Variants in ZNF644 observed in about 807,000 individuals in gnomAD.
The protein encoded by ZNF644 is zinc finger motif enhancer binding protein 2.
A neutral mutation model predicts 108.0 loss-of-function variants in ZNF644; 20 were observed. The observed-to-expected ratio is 0.19, with a 90% CI of 0.13 to 0.27. The LOEUF (loss-of-function observed/expected upper bound fraction) is 0.27, where lower values mean the gene tolerates loss of function less well. ZNF644 is among the 10% of genes least tolerant of loss of function. ZNF644 has a pLI of 1.00. For missense variants in ZNF644, 1,338 were observed against 1,548.9 expected (o/e 0.86, Z 2.29); for synonymous variants, 542 against 539.1 (o/e 1.01, Z -0.08).
At chr1:90,946,017 A>G (rs1254614667) in intron 2 of ZNF644, among the ~76,000 whole-genome samples, 1 of 152,124 alleles carries the variant, frequency 6.6e-6, no homozygotes, top group Admixed American at 6.5e-5. Context: ...CCCTATGTTC[A>G]TTTAAATTAT....
At chr1:90,984,490 C>A (rs978854011) in intron 1 of ZNF644, among the ~76,000 whole-genome samples, 3 of 151,730 alleles carry the variant, frequency 2.0e-5, no homozygotes, top group African/African-American at 7.3e-5. Flanking sequence ...CAGGTTCAAG[C>A]GATTCTCGTG....
intron 1 of ZNF644, among the ~76,000 whole-genome samples, chr1:90,983,706 C>G (rs747688420): frequency 3.9e-5 from 6 of 152,098 alleles, no homozygotes; most frequent in Admixed American, 2.6e-4. Context: ...GTGGGCAGAT[C>G]ACCTGAGGTC....
rs193167060 is a variant in ZNF644 at position 90,937,907 on chromosome 1, T to A, written c.3266A>T (p.Tyr1089Phe). The A allele has an allele frequency of 1.9e-6, 3 of 1,613,798 alleles. No homozygotes were observed. Among genetic ancestry groups the A allele is most frequent in the Non-Finnish European group, 2.5e-6 (3 of 1,179,876 alleles). ...LNEMMQNEEK[Y>F]EKILKALNSR... ...GTTCAATGCCTTTAAGATTTTTTCA[T>A]ATTTTTCTTCATTTTGCATCATCTC... Residue 1089 changes from tyrosine (Y) to phenylalanine (F), a missense_variant, in exon 4 of 6, where the codon TAT becomes TTT. This residue lies in a region of ZNF644 where 287 missense variants were observed against 310.9 expected (regional missense o/e 0.92). Transcript: ENST00000337393.
chr1:90,972,591 T>C (rs1655606474), intron 2 of ZNF644, among the ~76,000 whole-genome samples: 1 of 152,196 alleles, frequency 6.6e-6, no homozygotes, highest in African/African-American at 2.4e-5. Flanking sequence ...AATTACCATA[T>C]GATCCAGCAA....
intron 2 of ZNF644, among the ~76,000 whole-genome samples, chr1:90,942,869 TA>T (rs1329431091): frequency 6.6e-6 from 1 of 152,232 alleles, no homozygotes; most frequent in Non-Finnish European, 1.5e-5. Flanking sequence ...AAATATTTCC[TA>T]AGCACTTAGT....
intron 2 of ZNF644, among the ~76,000 whole-genome samples, chr1:90,960,256 ATCT>A (rs1228466734): frequency 3.3e-5 from 5 of 152,284 alleles, no homozygotes; most frequent in Middle Eastern, 3.4e-3. Context: ...GTAAGAACAA[ATCT>A]TCTACTCGCT....
At chr1:90,918,476 T>C (rs186431681) in intron 4 of ZNF644, 51 of 238,876 alleles carry the variant, frequency 2.1e-4, no homozygotes, top group African/African-American at 1.1e-3. Context: ...ATTGGTCAAT[T>C]ATTACAATAA....
At chr1:90,971,398 G>C (rs141336029) in intron 2 of ZNF644, among the ~76,000 whole-genome samples, 27 of 151,520 alleles carry the variant, frequency 1.8e-4, no homozygotes, top group Admixed American at 1.2e-3. Flanking sequence ...TGTAATAAAA[G>C]CAATATTCAA....
rs1307502786 is a variant in ZNF644 at position 90,940,651 on chromosome 1, C to G, written c.703G>C (p.Asp235His). The G allele has an allele frequency of 6.2e-7, 1 of 1,613,918 alleles. No individual in the cohort carries two copies. The highest frequency in any genetic ancestry group is 1.3e-5 in the African/African-American group (1 of 74,904). The change falls in exon 3 of 6, where the codon GAT becomes CAT. Residue 235 changes from aspartate (D) to histidine (H), a missense_variant. Transcript: ENST00000337393. ...GEDGEDLLVK[D>H]DCVNTVTGIS... ...CCCGTTACTGTATTGACACAATCAT[C>G]TTTCACCAATAAATCTTCACCATCC...
chr1:90,954,260 T>C (rs1653500878), intron 2 of ZNF644, among the ~76,000 whole-genome samples: 1 of 152,238 alleles, frequency 6.6e-6, no homozygotes, highest in Non-Finnish European at 1.5e-5. Flanking sequence ...ATATTCTAAA[T>C]CCTATGTTGT....
chr1:90,927,805 C>T (rs1286608997), intron 4 of ZNF644, among the ~76,000 whole-genome samples: 1 of 151,634 alleles, frequency 6.6e-6, no homozygotes, highest in African/African-American at 2.4e-5. Flanking sequence ...CTCTCTCTGC[C>T]CTCCCTCTCT....
chr1:90,953,976 TAACA>T (rs1005349326), intron 2 of ZNF644, among the ~76,000 whole-genome samples: 1 of 152,146 alleles, frequency 6.6e-6, no homozygotes, highest in Non-Finnish European at 1.5e-5. Flanking sequence ...AAAAAAATGC[TAACA>T]GTCATCTGAG....
intron 2 of ZNF644, among the ~76,000 whole-genome samples, chr1:90,945,310 TA>T (rs1273893590): frequency 3.6e-5 from 4 of 111,894 alleles, no homozygotes; most frequent in East Asian, 5.3e-4. Flanking sequence ...TTTAAAAGTC[TA>T]AAAAATTCAC....
At position 90,916,063 on chromosome 1, in the gene ZNF644, T is replaced by C. The variant is rs765870508; in HGVS notation, c.*735A>G. On this transcript the variant is annotated 3_prime_UTR_variant, in exon 6 of 6. Transcript: ENST00000337393. ...ATGTAAAGGGTAAATAGCATCTTTG[T>C]TGACAAAGTAGGAGGTAGCATGGAT... is the stretch of plus-strand genomic sequence containing the variant. 1 of 152,618 alleles carries C rather than the reference T, an allele frequency of 6.6e-6. No homozygotes were observed. Among genetic ancestry groups the C allele is most frequent in the African/African-American group, 2.4e-5 (1 of 41,460 alleles). The allele number at this position is 152,618 out of a possible 1,614,324, so 9.5% of individuals were successfully genotyped here.
intron 1 of ZNF644, among the ~76,000 whole-genome samples, chr1:90,997,740 G>A (rs1385158666): frequency 6.6e-6 from 1 of 152,184 alleles, no homozygotes; most frequent in Non-Finnish European, 1.5e-5. Flanking sequence ...GAAGCAGGGC[G>A]AGGCATCGCC....
intron 1 of ZNF644, among the ~76,000 whole-genome samples, chr1:91,002,459 G>C (rs1008555487): frequency 1.3e-5 from 2 of 152,148 alleles, no homozygotes; most frequent in Non-Finnish European, 2.9e-5. Context: ...ATGGTGCTGG[G>C]AAAACTGGCT....
intron 5 of ZNF644, 113 bp downstream of exon 5, chr1:90,917,939 T>A: frequency 1.2e-6 from 1 of 862,770 alleles, no homozygotes; most frequent in South Asian, 1.4e-5. Context: ...CATTTATAAC[T>A]TGATTGTTGA....
chr1:90,955,122 G>A (rs1305120401), intron 2 of ZNF644, among the ~76,000 whole-genome samples: 1 of 152,158 alleles, frequency 6.6e-6, no homozygotes, highest in Admixed American at 6.5e-5. Context: ...CATTGTCAAT[G>A]AGCATATTTC....
intron 4 of ZNF644, among the ~76,000 whole-genome samples, 171 bp downstream of exon 4, chr1:90,937,314 G>T (rs1557562712): frequency 6.6e-6 from 1 of 151,718 alleles, no homozygotes; most frequent in East Asian, 1.9e-4. Context: ...AGCATCAATT[G>T]ATGAGTTATA....
Sources: allele counts gnomAD v4.1 joint callset (sites outside exome capture counted in the v4.1 genomes callset), GRCh38; gene constraint gnomAD v4.1.1; regional missense constraint gnomAD v4.1.1; transcripts MANE v1.5; gene names NCBI Gene and HGNC (gene_info 2026-07-23, HGNC 2026-07-21).